The following HCN1 variants were observed in gnomAD, a reference collection of about 807,000 sequenced individuals.
HCN1 encodes hyperpolarization activated cyclic nucleotide gated potassium channel 1.
A neutral mutation model predicts 78.9 loss-of-function variants in HCN1; 13 were observed. The ratio of observed to expected loss-of-function variants is 0.16; its 90% CI spans 0.11 to 0.26. HCN1 has a LOEUF of 0.26. Ranked by LOEUF, HCN1 falls within the 10% of genes least tolerant of loss-of-function variation. HCN1 has a pLI of 1.00. For synonymous variants in HCN1, 552 were observed against 455.5 expected, an observed-to-expected ratio of 1.21 and a Z score of -2.70; for missense variants, 810 against 1,154.3, an observed-to-expected ratio of 0.70 and a Z score of 4.32.
intron 2 of HCN1, chr5:45,575,322 A>G (rs574889735): frequency 6.6e-6 from 1 of 152,208 alleles, no homozygotes; most frequent in East Asian, 1.9e-4. Context: ...TCAGCAAACT[A>G]TCGCAAGGAC....
chr5:45,456,847 G>A (rs1741038061), intron 3 of HCN1, among the ~76,000 whole-genome samples: 1 of 151,968 alleles, frequency 6.6e-6, no homozygotes, highest in Non-Finnish European at 1.5e-5. Context: ...GGTGAAACGT[G>A]TACAGGATTT....
At chr5:45,436,050 G>A (rs1188202799) in intron 3 of HCN1, among the ~76,000 whole-genome samples, 1 of 152,090 alleles carries the variant, frequency 6.6e-6, no homozygotes, top group Non-Finnish European at 1.5e-5. Context: ...TGAAGCTTCA[G>A]TTTTCTCTAT....
intron 4 of HCN1, among the ~76,000 whole-genome samples, chr5:45,372,072 T>TATAATA (rs1561127858): frequency 2.1e-5 from 1 of 47,628 alleles, no homozygotes; most frequent in African/African-American, 1.3e-4. Flanking sequence ...ATATTATATA[T>TATAATA]TATATATAAT....
intron 4 of HCN1, among the ~76,000 whole-genome samples, chr5:45,364,314 G>C (rs2111995448): frequency 6.6e-6 from 1 of 152,162 alleles, no homozygotes; most frequent in East Asian, 1.9e-4. Context: ...GTCCAGCAGA[G>C]AACAAATCCC....
chr5:45,373,816 ACGG>A (rs1747501833), intron 4 of HCN1, among the ~76,000 whole-genome samples: 1 of 126,454 alleles, frequency 7.9e-6, no homozygotes, highest in African/African-American at 3.1e-5. Flanking sequence ...TATATTACAT[ACGG>A]TATATACGTC....
At chr5:45,668,937 C>A (rs778835218) in intron 1 of HCN1, among the ~76,000 whole-genome samples, 2 of 151,802 alleles carry the variant, frequency 1.3e-5, no homozygotes, top group African/African-American at 2.4e-5. Context: ...GGGGGAAAAA[C>A]CACTTAAGAA....
chr5:45,420,234 C>CG (rs1420132100), intron 3 of HCN1, among the ~76,000 whole-genome samples: 1 of 152,140 alleles, frequency 6.6e-6, no homozygotes, highest in Non-Finnish European at 1.5e-5. Context: ...TTACATCCTT[C>CG]TTGCATCCTG....
At position 45,262,139 on chromosome 5, in the gene HCN1, C is replaced by T. The variant is rs1197215604; in HGVS notation, c.2455G>A (p.Val819Met). 1 of 1,613,278 alleles carries T rather than the reference C, an allele frequency of 6.2e-7. No individual in the cohort carries two copies. Among genetic ancestry groups the T allele is most frequent in the Non-Finnish European group, 8.5e-7 (1 of 1,179,642 alleles). ...GESLASIPQP[V>M]TAVPGTGLQA... ...AGGCCCGTTCCGGGGACCGCCGTCA[C>T]GGGTTGAGGGATGGAGGCCAGGGAC... Residue 819 changes from valine (V) to methionine (M), a missense_variant, in exon 8 of 8, where the codon GTG (valine) becomes ATG (methionine). Physicochemically the swap from Val to Met is conservative, Grantham distance 21 (BLOSUM62 1). Around this residue, in one of 6 missense-constraint regions of HCN1, gnomAD observed 398 missense variants for 381.3 expected, o/e 1.04. Coordinates refer to ENST00000303230, the MANE Select transcript of HCN1 (RefSeq NM_021072.4).
intron 2 of HCN1, among the ~76,000 whole-genome samples, chr5:45,510,507 T>A (rs1742392822): frequency 6.6e-6 from 1 of 152,080 alleles, no homozygotes; most frequent in Admixed American, 6.6e-5. Flanking sequence ...TAGAGGTAAG[T>A]GTCTGGAACA....
At chr5:45,677,963 A>G (rs927598001) in intron 1 of HCN1, among the ~76,000 whole-genome samples, 3 of 151,024 alleles carry the variant, frequency 2.0e-5, no homozygotes, top group East Asian at 1.9e-4. Flanking sequence ...TCATCTTTCC[A>G]AAGATTAAAC....
chr5:45,587,966 T>C lies in HCN1; in HGVS notation c.849+57219A>G, dbSNP rs376791714. On this transcript the variant is annotated intron_variant, in intron 2 of 7. Coordinates refer to ENST00000303230, the MANE Select transcript of HCN1 (RefSeq NM_021072.4). ...TTTATATGAGAATGCAGATAAAAGA[T>C]GGCAGTCTACAACCCAGAAAAGGGC... is the stretch of plus-strand genomic sequence containing the variant. Among the ~76,000 whole-genome samples the C allele has an allele frequency of 1.6e-4, 25 of 152,226 alleles. 2 individuals carry two copies. Among genetic ancestry groups the C allele is most frequent in the African/African-American group, 5.8e-4 (24 of 41,544 alleles).
At chr5:45,540,362 C>T (rs1190591041) in intron 2 of HCN1, among the ~76,000 whole-genome samples, 3 of 149,468 alleles carry the variant, frequency 2.0e-5, no homozygotes. Context: ...GAGTCTCACT[C>T]TGTCATCCAG....
chr5:45,458,539 A>T lies in HCN1; in HGVS notation c.1011+3307T>A, dbSNP rs1405485078. Among the ~76,000 whole-genome samples the T allele has an allele frequency of 6.6e-5, 10 of 152,196 alleles. No individual in the cohort carries two copies. The East Asian group carries it at 1.9e-3, about 29-fold the overall frequency. ...TTGCCACTTTTTAGTGTCAGAGCTCAAACGTTAATTTTAATGGGATTTTCT... is the reference window on the plus strand; with the variant it reads ...TTGCCACTTTTTAGTGTCAGAGCTCTAACGTTAATTTTAATGGGATTTTCT... On this transcript the variant is annotated intron_variant, in intron 3 of 7. Transcript: ENST00000303230.
chr5:45,695,170 C>G (rs1739981346), intron 1 of HCN1: 1 of 175,762 alleles, frequency 5.7e-6, no homozygotes, highest in African/African-American at 2.4e-5. Context: ...TAAACACACT[C>G]CCCAGGGGCG....
chr5:45,375,906 T>C (rs1200011053), intron 4 of HCN1, among the ~76,000 whole-genome samples: 2 of 123,408 alleles, frequency 1.6e-5, no homozygotes, highest in Non-Finnish European at 3.1e-5. Flanking sequence ...TGATATAATA[T>C]TTTATCTTAT....
At chr5:45,389,835 G>A (rs980758752) in intron 4 of HCN1, among the ~76,000 whole-genome samples, 3 of 152,030 alleles carry the variant, frequency 2.0e-5, no homozygotes, top group East Asian at 1.9e-4. Flanking sequence ...GGAATACGTC[G>A]TATCTCATGC....
At chr5:45,414,360 T>C (rs945247674) in intron 3 of HCN1, among the ~76,000 whole-genome samples, 2 of 152,012 alleles carry the variant, frequency 1.3e-5, no homozygotes, top group Non-Finnish European at 2.9e-5. Context: ...GAGTTGAATA[T>C]CATTCATCTA....
chr5:45,658,923 C>T (rs1001668245), intron 1 of HCN1, among the ~76,000 whole-genome samples: 22 of 143,490 alleles, frequency 1.5e-4, no homozygotes, highest in East Asian at 1.3e-3. Flanking sequence ...ACAAAGCAGC[C>T]GGGAAGCTCG....
intron 2 of HCN1, among the ~76,000 whole-genome samples, chr5:45,491,583 A>G (rs1448104437): frequency 2.0e-5 from 3 of 152,154 alleles, no homozygotes; most frequent in African/African-American, 7.2e-5. Flanking sequence ...GATTTCCTGT[A>G]TGCCTCATTC....
Sources: gnomAD v4.1 joint callset for allele counts (sites outside exome capture counted in the v4.1 genomes callset) on GRCh38, gnomAD v4.1.1 for gene constraint, gnomAD v4.1.1 regional missense constraint, MANE v1.5 for transcripts, NCBI Gene and HGNC (gene_info 2026-07-23, HGNC 2026-07-21) for gene names.